Variants in EDAR observed in about 807,000 individuals in gnomAD.
EDAR encodes tumor necrosis factor receptor superfamily member EDAR.
Under a neutral mutation model 51.3 loss-of-function variants are expected in EDAR, and 38 were observed. The observed-to-expected ratio is 0.74, with a 90% CI of 0.57 to 0.97. EDAR has a LOEUF of 0.97. EDAR is among the 50% of genes least tolerant of loss of function. The pLI, the probability that EDAR is intolerant of heterozygous loss-of-function variation, is 0.00. For synonymous variants in EDAR, 227 were observed against 242.1 expected (o/e 0.94, Z 0.58); for missense variants, 528 against 595.0 (o/e 0.89, Z 1.17).
chr2:108,916,313 C>G (rs997596724), intron 5 of EDAR, among the ~76,000 whole-genome samples: 1 of 152,152 alleles, frequency 6.6e-6, no homozygotes, highest in African/African-American at 2.4e-5. Context: ...CCCTTCCTGT[C>G]GGGGCTCGCA....
intron 1 of EDAR, among the ~76,000 whole-genome samples, chr2:108,987,555 G>T (rs750041178): frequency 6.6e-6 from 1 of 152,246 alleles, no homozygotes; most frequent in Non-Finnish European, 1.5e-5. Context: ...CCAGGTAGTG[G>T]CCAGGGAGTG....
chr2:108,971,163 G>A (rs1252183978), intron 1 of EDAR, among the ~76,000 whole-genome samples: 1 of 152,130 alleles, frequency 6.6e-6, no homozygotes, highest in African/African-American at 2.4e-5. Flanking sequence ...GATGGTGCTG[G>A]CTACATGTTT....
intron 5 of EDAR, among the ~76,000 whole-genome samples, chr2:108,921,844 G>T (rs1007850008): frequency 1.3e-5 from 2 of 152,228 alleles, no homozygotes; most frequent in African/African-American, 2.4e-5. Flanking sequence ...CTTGCCCAAG[G>T]GGCCTCTAAT....
At chr2:108,971,014 G>T (rs1396165543) in intron 1 of EDAR, among the ~76,000 whole-genome samples, 1 of 152,144 alleles carries the variant, frequency 6.6e-6, no homozygotes, top group Non-Finnish European at 1.5e-5. Flanking sequence ...GTCCTGCTGT[G>T]GACCTGAGGG....
chr2:108,934,263 C>A (rs1697425792), intron 1 of EDAR, among the ~76,000 whole-genome samples: 1 of 152,140 alleles, frequency 6.6e-6, no homozygotes, highest in African/African-American at 2.4e-5. Flanking sequence ...GAGCACAGGG[C>A]AGCCTGTGGT....
intron 4 of EDAR, among the ~76,000 whole-genome samples, chr2:108,925,297 A>C (rs780703876): frequency 6.6e-6 from 1 of 152,238 alleles, no homozygotes; most frequent in African/African-American, 2.4e-5. Flanking sequence ...TTTGATGCTG[A>C]GGTGGACAGA....
Position 108,984,130 on chromosome 2 carries a change from G to GGCAT in EDAR, c.-19+4826_-19+4829dup, listed in dbSNP as rs564332938. ...AATTTTTCTCAGAATGGATCCCTTT[G>GGCAT]GCATGTGTTAACGGCCAAGGGAGCA... On this transcript the variant is annotated intron_variant, in intron 1 of 11. Coordinates refer to ENST00000258443, the MANE Select transcript of EDAR (RefSeq NM_022336.4). Among the ~76,000 whole-genome samples, 1,119 of 152,288 alleles carry GGCAT rather than the reference G, an allele frequency of 7.3e-3. 7 individuals are homozygous for GGCAT. The highest frequency in any genetic ancestry group is 0.012 in the Non-Finnish European group (830 of 68,024).
At chr2:108,907,662 C>A (rs1397047279) in intron 10 of EDAR, among the ~76,000 whole-genome samples, 198 bp downstream of exon 10, 44 of 146,490 alleles carry the variant, frequency 3.0e-4, no homozygotes, top group Admixed American at 2.8e-3. Context: ...AAAAAAAAAA[C>A]AAAACTCAAA....
At chr2:108,911,168 C>G in intron 6 of EDAR, 96 bp from the exon 7 acceptor site, 1 of 1,484,888 alleles carries the variant, frequency 6.7e-7, no homozygotes, top group Non-Finnish European at 9.4e-7. Flanking sequence ...GGCCCTGCCC[C>G]TGGGATGCTT....
chr2:108,901,033 A>G (rs1266302988), intron 11 of EDAR, among the ~76,000 whole-genome samples: 2 of 152,214 alleles, frequency 1.3e-5, no homozygotes, highest in African/African-American at 4.8e-5. Flanking sequence ...TCATCAACCA[A>G]CACGATCTAA....
chr2:108,936,374 A>G (rs1697469408), intron 1 of EDAR, among the ~76,000 whole-genome samples: 1 of 152,140 alleles, frequency 6.6e-6, no homozygotes, highest in South Asian at 2.1e-4. Context: ...GGGAGGGGAG[A>G]GGCTGTGGCT....
chr2:108,982,120 T>C (rs1165239391), intron 1 of EDAR, among the ~76,000 whole-genome samples: 2 of 152,212 alleles, frequency 1.3e-5, no homozygotes, highest in Non-Finnish European at 1.5e-5. Context: ...CTTTAGGCCA[T>C]GAGAATAGGG....
chr2:108,943,833 C>A lies in EDAR; in HGVS notation c.-18-12801G>T, dbSNP rs114101591. Among the ~76,000 whole-genome samples the A allele has an allele frequency of 5.1e-3, 781 of 152,194 alleles. 10 individuals are homozygous for A. The highest frequency in any genetic ancestry group is 0.018 in the African/African-American group (747 of 41,524). On this transcript the variant is annotated intron_variant, in intron 1 of 11. Coordinates refer to ENST00000258443, the MANE Select transcript of EDAR (RefSeq NM_022336.4). Reference sequence around the variant, plus strand: ...CAGGCTGGGGCAGAGGGCTGGATGCCAGCCCGGGGCTGAGCAGAGACTAGA... The same window carrying A: ...CAGGCTGGGGCAGAGGGCTGGATGCAAGCCCGGGGCTGAGCAGAGACTAGA...
intron 11 of EDAR, among the ~76,000 whole-genome samples, chr2:108,898,664 T>A (rs1311888121): frequency 2.6e-5 from 4 of 152,144 alleles, no homozygotes; most frequent in African/African-American, 9.7e-5. Flanking sequence ...AAAGAATTCA[T>A]AATAAAAGTG....
chr2:108,951,742 C>T lies in EDAR; in HGVS notation c.-18-20710G>A, dbSNP rs79109731. On this transcript the variant is annotated intron_variant, in intron 1 of 11. Coordinates refer to ENST00000258443, the MANE Select transcript of EDAR (RefSeq NM_022336.4). ...AGGTTCTTCCATTTCTGCGAGTCCA[C>T]GAGGTTCTCTTAGATCTATGATATG... Among the ~76,000 whole-genome samples, 1,188 of 152,150 alleles carry T rather than the reference C, an allele frequency of 7.8e-3. 9 individuals carry two copies. Among genetic ancestry groups the T allele is most frequent in the South Asian group, 0.029 (137 of 4,802 alleles).
chr2:108,936,339 G>A (rs1697468176), intron 1 of EDAR, among the ~76,000 whole-genome samples: 2 of 152,240 alleles, frequency 1.3e-5, no homozygotes, highest in African/African-American at 4.8e-5. Flanking sequence ...GGCTTGCCAC[G>A]CCTGGGTTGA....
intron 4 of EDAR, among the ~76,000 whole-genome samples, chr2:108,925,235 C>T (rs1423926707): frequency 2.0e-5 from 3 of 152,246 alleles, no homozygotes; most frequent in Non-Finnish European, 4.4e-5. Flanking sequence ...GGATGATTGT[C>T]TGTAAACATT....
intron 2 of EDAR, among the ~76,000 whole-genome samples, chr2:108,930,530 G>A (rs1206791877): frequency 6.6e-6 from 1 of 152,054 alleles, no homozygotes; most frequent in African/African-American, 2.4e-5. Context: ...CCTCATCAAC[G>A]CACTTGCCAA....
chr2:108,947,556 A>G (rs925115759), intron 1 of EDAR, among the ~76,000 whole-genome samples: 1 of 151,648 alleles, frequency 6.6e-6, no homozygotes, highest in Admixed American at 6.6e-5. Context: ...CTAGGTGGAG[A>G]CTCCCAAAGC....
Sources: gnomAD v4.1 joint callset for allele counts (sites outside exome capture counted in the v4.1 genomes callset) on GRCh38, gnomAD v4.1.1 for gene constraint, MANE v1.5 for transcripts, NCBI Gene and HGNC (gene_info 2026-07-23, HGNC 2026-07-21) for gene names.